IQSEC1: variants seen among roughly 807,000 people sequenced by gnomAD.
The protein encoded by IQSEC1 is IQ motif and Sec7 domain ArfGEF 1, also known as IQ motif and SEC7 domain-containing protein 1.
IQSEC1 carries 31 observed loss-of-function variants against 91.0 expected under a neutral mutation model. That is an observed-to-expected ratio of 0.34 (90% CI 0.26 to 0.46). The LOEUF is 0.46. Ranked by LOEUF, IQSEC1 falls within the 20% of genes least tolerant of loss-of-function variation. The pLI is 1.00. For missense variants in IQSEC1, 1,388 were observed against 1,575.6 expected, an observed-to-expected ratio of 0.88 and a Z score of 2.02; for synonymous variants, 699 against 662.6, an observed-to-expected ratio of 1.05 and a Z score of -0.84.
intron 1 of IQSEC1, among the ~76,000 whole-genome samples, chr3:13,209,645 G>A (rs1375310784): frequency 2.6e-5 from 4 of 152,212 alleles, no homozygotes; most frequent in Admixed American, 6.5e-5. Context: ...GGACCACACT[G>A]AAGGTCTCTA....
chr3:13,114,315 G>A (rs1348007437), intron 2 of IQSEC1, among the ~76,000 whole-genome samples: 1 of 152,182 alleles, frequency 6.6e-6, no homozygotes, highest in Non-Finnish European at 1.5e-5. Flanking sequence ...AAGAATTACA[G>A]GTGGGGTGTC....
chr3:13,200,036 C>T (rs910268083), intron 1 of IQSEC1, among the ~76,000 whole-genome samples: 16 of 146,926 alleles, frequency 1.1e-4, no homozygotes, highest in African/African-American at 3.3e-4. Context: ...TCACACACAC[C>T]ACACACTACA....
In IQSEC1 at chr3:12,931,657, C is replaced by A. The variant is rs1697687245; in HGVS notation, c.1568+3791G>T. On this transcript the variant is annotated intron_variant, in intron 3 of 13. Coordinates refer to ENST00000613206, the MANE Select transcript of IQSEC1 (RefSeq NM_001134382.3). ...TGTTCCCACAGGTGGAGGGGAATGGCCCCCTGGGGGCGCTGGAAGGGTGAA... is the reference window on the plus strand; with the variant it reads ...TGTTCCCACAGGTGGAGGGGAATGGACCCCTGGGGGCGCTGGAAGGGTGAA... Among the ~76,000 whole-genome samples the A allele has an allele frequency of 2.0e-5, 3 of 152,298 alleles. No individual in the cohort carries two copies. In the South Asian group the frequency reaches 6.2e-4, roughly 32 times the overall value.
Position 12,936,643 on chromosome 3 carries a change from G to C in IQSEC1, c.373C>G (p.Arg125Gly), listed in dbSNP as rs762645084. 6.2e-7 allele frequency: 1 copy of C among 1,607,748 alleles called. No homozygotes were observed. Among genetic ancestry groups the C allele is most frequent in the African/African-American group, 1.3e-5 (1 of 74,806 alleles). ...GGRLVTRHAA[R>G]TIQTAFRQYQ... ...TGGCGAAACGCCGTCTGGATGGTGC[G>C]GGCCGCATGGCGGGTTACCAGGCGC... The change falls in exon 3 of 14, where the codon CGC becomes GGC. Residue 125 changes from arginine (R) to glycine (G), a missense_variant. Arg to Gly is a moderately radical substitution (Grantham distance 125). Around this residue, in one of 2 missense-constraint regions of IQSEC1, gnomAD observed 1,059 missense variants for 1,317.8 expected, o/e 0.80. Transcript: ENST00000613206.
At chr3:12,903,268 G>A (rs1694576913) in intron 12 of IQSEC1, among the ~76,000 whole-genome samples, 1 of 152,108 alleles carries the variant, frequency 6.6e-6, no homozygotes. Flanking sequence ...TTCAGTGATT[G>A]CCATATATAT....
At chr3:13,250,719 G>C (rs986308549) in intron 1 of IQSEC1, among the ~76,000 whole-genome samples, 1 of 151,390 alleles carries the variant, frequency 6.6e-6, no homozygotes, top group African/African-American at 2.4e-5. Context: ...TGCCCGCCTC[G>C]GCCTCCCAAA....
intron 6 of IQSEC1, among the ~76,000 whole-genome samples, chr3:12,918,715 G>C (rs1696340229): frequency 6.6e-6 from 1 of 152,130 alleles, no homozygotes; most frequent in Non-Finnish European, 1.5e-5. Context: ...TCAGCTACCT[G>C]GCAGGCTGAG....
intron 2 of IQSEC1, among the ~76,000 whole-genome samples, chr3:13,146,769 G>A (rs144100147): frequency 2.0e-5 from 3 of 152,322 alleles, no homozygotes; most frequent in African/African-American, 4.8e-5. Context: ...GAACACAGGA[G>A]GTTGTAGTAA....
chr3:13,275,670 G>A (rs1383957527), intron 1 of IQSEC1, among the ~76,000 whole-genome samples: 1 of 152,264 alleles, frequency 6.6e-6, no homozygotes, highest in Non-Finnish European at 1.5e-5. Flanking sequence ...CTCTGGGGCT[G>A]CACACCACTT....
In IQSEC1 at chr3:13,149,537, C is replaced by T. The variant is rs549672541; in HGVS notation, c.302+14567G>A. Reference sequence around the variant, plus strand: ...TGGGGAGGAGGGGAGAGGGTGTCCCCGGGGGAGGACGCAGCCTGTCAAAGG... The same window carrying T: ...TGGGGAGGAGGGGAGAGGGTGTCCCTGGGGGAGGACGCAGCCTGTCAAAGG... On this transcript the variant is annotated intron_variant, in intron 2 of 15. Transcript: ENST00000648114. Among the ~76,000 whole-genome samples the T allele has an allele frequency of 1.3e-3, 205 of 152,106 alleles. 1 individual carries two copies. Among genetic ancestry groups the T allele is most frequent in the African/African-American group, 4.7e-3 (196 of 41,494 alleles).
chr3:13,173,043 C>T (rs1445159316), intron 1 of IQSEC1, among the ~76,000 whole-genome samples: 3 of 152,216 alleles, frequency 2.0e-5, no homozygotes, highest in Non-Finnish European at 4.4e-5. Context: ...CTTGAAAGGC[C>T]ACTTTTCACC....
At chr3:13,276,747 C>T (rs1695689296) in intron 1 of IQSEC1, among the ~76,000 whole-genome samples, 1 of 152,194 alleles carries the variant, frequency 6.6e-6, no homozygotes, top group Non-Finnish European at 1.5e-5. Flanking sequence ...AAGCACCCAA[C>T]GTTTGCCATA....
intron 1 of IQSEC1, among the ~76,000 whole-genome samples, chr3:13,071,995 G>A (rs1367378431): frequency 6.6e-6 from 1 of 152,242 alleles, no homozygotes; most frequent in Non-Finnish European, 1.5e-5. Flanking sequence ...GGTTCCACAG[G>A]CCCCTGCCAT....
Position 12,983,932 on chromosome 3 carries a change from G to C in IQSEC1, c.24-42067C>G, listed in dbSNP as rs1472086086. ...AAAAATAAAGCACCTACCTTCAAGGGGGCAGGCAGAGAGGTAAGGGCCTTT... is the reference window on the plus strand; with the variant it reads ...AAAAATAAAGCACCTACCTTCAAGGCGGCAGGCAGAGAGGTAAGGGCCTTT... On this transcript the variant is annotated intron_variant, in intron 1 of 13. Transcript: ENST00000613206. This position sits in a 1 kb window ranked among gnomAD's most constrained non-coding sequence, Gnocchi z 4.3. Among the ~76,000 whole-genome samples the C allele has an allele frequency of 2.0e-5, 3 of 152,306 alleles. No individual in the cohort carries two copies. The highest frequency in any genetic ancestry group is 2.9e-5 in the Non-Finnish European group (2 of 68,030).
At chr3:12,952,333 C>A (rs1699604781) in intron 1 of IQSEC1, among the ~76,000 whole-genome samples, 1 of 152,106 alleles carries the variant, frequency 6.6e-6, no homozygotes, top group African/African-American at 2.4e-5. Context: ...CAGTTGGGGT[C>A]CTTGGAGCTG....
intron 1 of IQSEC1, among the ~76,000 whole-genome samples, chr3:13,038,298 A>ATATATATATATATATATATAT (rs1576200738): frequency 2.2e-5 from 3 of 138,960 alleles, no homozygotes; most frequent in Non-Finnish European, 3.1e-5. Flanking sequence ...ATATATATAT[A>ATATATATATATATATATATAT]AAATGAAGTA....
chr3:13,147,377 T>G (rs1417410219), intron 2 of IQSEC1, among the ~76,000 whole-genome samples: 3 of 146,180 alleles, frequency 2.1e-5, no homozygotes, highest in African/African-American at 7.5e-5. Flanking sequence ...CTTTATGTAC[T>G]CATAGTTTAG....
intron 1 of IQSEC1, among the ~76,000 whole-genome samples, chr3:13,261,738 C>T (rs1695391469): frequency 6.6e-6 from 1 of 152,150 alleles, no homozygotes; most frequent in Admixed American, 6.5e-5. Flanking sequence ...ATAAATCTCC[C>T]CTTGACAACA....
chr3:13,161,135 G>A (rs1235085586), intron 2 of IQSEC1, among the ~76,000 whole-genome samples: 3 of 152,188 alleles, frequency 2.0e-5, no homozygotes, highest in South Asian at 2.1e-4. Flanking sequence ...GGGCAGGCAC[G>A]CAGGAATCAT....
Sources: gnomAD v4.1 joint callset for allele counts (sites outside exome capture counted in the v4.1 genomes callset) on GRCh38, gnomAD v4.1.1 for gene constraint, gnomAD v4.1.1 regional missense constraint, Gnocchi (gnomAD v3.1) non-coding constraint, MANE v1.5 for transcripts, NCBI Gene and HGNC (gene_info 2026-07-23, HGNC 2026-07-21) for gene names.